The following EVC2 variants were observed in gnomAD, a reference collection of about 807,000 sequenced individuals.
The protein encoded by EVC2 is EvC ciliary complex subunit 2.
Under a neutral mutation model 149.3 loss-of-function variants are expected in EVC2, and 148 were observed. The observed-to-expected ratio is 0.99, with a 90% CI of 0.87 to 1.14. EVC2 has a LOEUF of 1.14. Ranked by LOEUF, EVC2 falls within the 50% of genes most tolerant of loss-of-function variation. EVC2 has a pLI of 0.00. For missense variants in EVC2, 1,854 were observed against 1,627.3 expected, an observed-to-expected ratio of 1.14 and a Z score of -2.40; for synonymous variants, 776 against 649.9, an observed-to-expected ratio of 1.19 and a Z score of -2.95.
At chr4:5,673,140 C>G (rs957298788) in intron 7 of EVC2, among the ~76,000 whole-genome samples, 2 of 152,166 alleles carry the variant, frequency 1.3e-5, no homozygotes, top group Admixed American at 6.5e-5. Context: ...GTATACTTTA[C>G]CACACACACA....
In EVC2 at chr4:5,569,083, CA is replaced by C. The variant is rs1198895079; in HGVS notation, c.3361-444del. On this transcript the variant is annotated intron_variant, in intron 19 of 21. Transcript: ENST00000344408. The surrounding 1 kb of genome is among the most constrained non-coding windows in gnomAD (Gnocchi z 4.8). ...ACCCATGCCACAGGATACCACTCTG[CA>C]GTCAGAAGAAAGAACTGGAAGGATC... 6.6e-6 allele frequency among the ~76,000 whole-genome samples: 1 copy of C among 152,222 alleles called. No individual in the cohort carries two copies. The highest frequency in any genetic ancestry group is 1.5e-5 in the Non-Finnish European group (1 of 68,048).
At chr4:5,564,555 G>A (rs1487462938) in intron 21 of EVC2, among the ~76,000 whole-genome samples, 1 of 152,240 alleles carries the variant, frequency 6.6e-6, no homozygotes, top group East Asian at 1.9e-4. Flanking sequence ...GACTGAGGTA[G>A]ACATGTCCGT....
downstream of EVC2, among the ~76,000 whole-genome samples, chr4:5,560,939 T>A (rs567424127): frequency 6.6e-6 from 1 of 152,312 alleles, no homozygotes; most frequent in South Asian, 2.1e-4. This position sits in a 1 kb window ranked among gnomAD's most constrained non-coding sequence, Gnocchi z 4.1. Flanking sequence ...TTTTGTGCAG[T>A]GAGTTTACAA....
intron 4 of EVC2, among the ~76,000 whole-genome samples, chr4:5,690,829 T>C (rs1051740503): frequency 6.6e-6 from 1 of 152,192 alleles, no homozygotes; most frequent in Non-Finnish European, 1.5e-5. Context: ...TTCTGAGTTC[T>C]GTAAGTACTT....
At chr4:5,599,957 T>G (rs529121823) in intron 16 of EVC2, among the ~76,000 whole-genome samples, 128 of 152,318 alleles carry the variant, frequency 8.4e-4, no homozygotes, top group African/African-American at 3.1e-3. Flanking sequence ...CATTAGTGCT[T>G]AAATTTTAGA....
intron 7 of EVC2, 133 bp downstream of exon 7, chr4:5,681,123 GCACA>G: frequency 2.1e-6 from 2 of 973,738 alleles, no homozygotes; most frequent in East Asian, 4.9e-5. Flanking sequence ...CCGAGAGACT[GCACA>G]GAGTCCCAGT....
Position 5,673,612 on chromosome 4 carries a change from C to T in EVC2, c.870+7648G>A, listed in dbSNP as rs114783566. Reference sequence around the variant, plus strand: ...TTCCTTCTTGTCTCTGGAAAAGAATCATCCACGATTACCACCCTTTAATCA... The same window carrying T: ...TTCCTTCTTGTCTCTGGAAAAGAATTATCCACGATTACCACCCTTTAATCA... On this transcript the variant is annotated intron_variant, in intron 7 of 21. Coordinates refer to ENST00000344408, the MANE Select transcript of EVC2 (RefSeq NM_147127.5). Among the ~76,000 whole-genome samples, 756 of 152,306 alleles carry T rather than the reference C, an allele frequency of 5.0e-3. 7 individuals are homozygous for T. Among genetic ancestry groups the T allele is most frequent in the African/African-American group, 0.017 (716 of 41,556 alleles).
chr4:5,620,180 A>T lies in EVC2; in HGVS notation c.2502-1498T>A, dbSNP rs578146878. ...CAACGATTTTTAAAGCAACCTTTGG[A>T]AACTGCAGCAGCCCCCTTGCACCTT... On this transcript the variant is annotated intron_variant, in intron 14 of 21. Transcript: ENST00000344408. Among the ~76,000 whole-genome samples, 24 of 152,278 alleles carry T rather than the reference A, an allele frequency of 1.6e-4. 2 individuals carry two copies. In the South Asian group the frequency reaches 4.4e-3, roughly 28 times the overall value.
intron 2 of EVC2, among the ~76,000 whole-genome samples, chr4:5,695,924 T>C (rs1721446435): frequency 6.6e-6 from 1 of 152,160 alleles, no homozygotes; most frequent in African/African-American, 2.4e-5. Flanking sequence ...CTGGATTAAA[T>C]TACAGTATTT....
chr4:5,708,622 G>T (rs1410003981), upstream of EVC2: 5 of 795,316 alleles, frequency 6.3e-6, no homozygotes, highest in Non-Finnish European at 5.3e-6. Context: ...AGCCGCCGCC[G>T]AAAGTTTTCT....
At chr4:5,695,803 C>T (rs1245519570) in intron 2 of EVC2, among the ~76,000 whole-genome samples, 1 of 152,174 alleles carries the variant, frequency 6.6e-6, no homozygotes, top group Middle Eastern at 3.2e-3. Flanking sequence ...CTTTCTTACC[C>T]AGCATATTGA....
chr4:5,628,837 A>T, intron 11 of EVC2, 103 bp from the exon 12 acceptor site: 1 of 1,221,802 alleles, frequency 8.2e-7, no homozygotes, highest in South Asian at 1.4e-5. Context: ...AAGAAAATAC[A>T]CAAGAAAAGA....
chr4:5,563,377 C>T (rs368241447), intron 21 of EVC2, among the ~76,000 whole-genome samples: 7 of 152,230 alleles, frequency 4.6e-5, no homozygotes, highest in African/African-American at 7.2e-5. Context: ...GATGGAGTTT[C>T]GCTCTTGTTG....
Position 5,568,484 on chromosome 4 carries a change from T to C in EVC2, c.3517A>G (p.Ser1173Gly). 4 of 1,580,216 alleles carry C rather than the reference T, an allele frequency of 2.5e-6. No homozygotes were observed. The highest frequency in any genetic ancestry group is 3.4e-6 in the Non-Finnish European group (4 of 1,170,666). The part of the protein sequence containing the change: ...TERHVDHAAE[S>G]DGGAEQADVG... ...TCGGCCTGCTCCGCTCCGCCATCGC[T>C]CTCAGCTGCGTGGTCCACATGTCTC... Residue 1173 changes from serine (S) to glycine (G), a missense_variant, in exon 20 of 22, where the codon AGC becomes GGC. Transcript: ENST00000344408.
intron 9 of EVC2, among the ~76,000 whole-genome samples, chr4:5,662,038 A>T (rs1270836747): frequency 1.3e-5 from 2 of 152,214 alleles, no homozygotes; most frequent in South Asian, 2.1e-4. Flanking sequence ...TCAGTTCAGT[A>T]CACACTCACA....
In EVC2 at chr4:5,689,233, A is replaced by C; in HGVS notation, c.630T>G (p.Ala210=). 1.2e-6 allele frequency: 2 copies of C among 1,614,248 alleles called. No homozygotes were observed. Among genetic ancestry groups the C allele is most frequent in the Non-Finnish European group, 1.7e-6 (2 of 1,180,036 alleles). The part of the protein sequence containing the change: ...LSELLLLDSI[A]GLTIWDSVGN... ...CCACAGAGTCCCAAATGGTGAGACCAGCAATGCTGTCCAGCAAGAGCAGCT... is the reference window on the plus strand; with the variant it reads ...CCACAGAGTCCCAAATGGTGAGACCCGCAATGCTGTCCAGCAAGAGCAGCT... Residue 210 remains alanine, a synonymous_variant, in exon 5 of 22, where the codon GCT becomes GCG. Transcript: ENST00000344408.
At chr4:5,678,305 A>T (rs10031683) in intron 7 of EVC2, among the ~76,000 whole-genome samples, 3 of 152,162 alleles carry the variant, frequency 2.0e-5, no homozygotes, top group Non-Finnish European at 4.4e-5. Context: ...TGAGTCTCTA[A>T]GGAGCCTCCC....
At chr4:5,575,188 G>C (rs1216091451) in intron 18 of EVC2, among the ~76,000 whole-genome samples, 1 of 152,166 alleles carries the variant, frequency 6.6e-6, no homozygotes, top group Non-Finnish European at 1.5e-5. Flanking sequence ...TTTCACATGA[G>C]GCTTCCTGAC....
chr4:5,533,333 C>G, the EVC2 span, among the ~76,000 whole-genome samples: 1 of 152,108 alleles, frequency 6.6e-6, no homozygotes, highest in African/African-American at 2.4e-5. Flanking sequence ...GCAGCAAGTG[C>G]AAAGGCCTGG....
Sources: gnomAD v4.1 joint callset for allele counts (sites outside exome capture counted in the v4.1 genomes callset) on GRCh38, gnomAD v4.1.1 for gene constraint, Gnocchi (gnomAD v3.1) non-coding constraint, MANE v1.5 for transcripts, NCBI Gene and HGNC (gene_info 2026-07-23, HGNC 2026-07-21) for gene names.